MGAM: variants seen among roughly 807,000 people sequenced by gnomAD.
MGAM encodes maltase-glucoamylase.
MGAM carries 253 observed loss-of-function variants against 358.8 expected under a neutral mutation model. The observed-to-expected ratio is 0.71, with a 90% CI of 0.64 to 0.78. The LOEUF (loss-of-function observed/expected upper bound fraction) is 0.78, where lower values mean the gene tolerates loss of function less well. Among genes scored for constraint, MGAM ranks in the 30% least tolerant of loss-of-function variants. The probability of loss-of-function intolerance (pLI) is 0.00; values close to 1 mark genes in which losing one functional copy is unlikely to be tolerated. For synonymous variants in MGAM, 1,105 were observed against 1,227.1 expected (o/e 0.90, Z 2.08); for missense variants, 3,080 against 3,432.6 (o/e 0.90, Z 2.57).
rs1804185388 is a variant in MGAM at position 141,995,919 on chromosome 7, A to G, written c.-14A>G. 6.6e-6 allele frequency: 1 copy of G among 152,186 alleles called. No individual in the cohort carries two copies. The highest frequency in any genetic ancestry group is 1.5e-5 in the Non-Finnish European group (1 of 68,034). The allele number at this position is 152,186 out of a possible 1,614,324, so 9.4% of individuals were successfully genotyped here. On this transcript the variant is annotated 5_prime_UTR_variant, in exon 1 of 71. Coordinates refer to ENST00000475668, the MANE Select transcript of MGAM (RefSeq NM_001365693.1). ...TTCAGACAGAGAGGGAGCGGCTGCA[A>G]GAGGTAATGAGGTATGTTTGTGAAC... is the stretch of plus-strand genomic sequence containing the variant.
At chr7:141,988,872 T>A (rs1803819877) in intron 2 of MGAM, among the ~76,000 whole-genome samples, 1 of 152,234 alleles carries the variant, frequency 6.6e-6, no homozygotes, top group Admixed American at 6.5e-5. Flanking sequence ...CACCTTCCTC[T>A]GAACATTTCT....
At chr7:142,012,889 A>G (rs1283566963) in intron 3 of MGAM, among the ~76,000 whole-genome samples, 1 of 152,140 alleles carries the variant, frequency 6.6e-6, no homozygotes, top group African/African-American at 2.4e-5. Flanking sequence ...TCTCTCCAGC[A>G]GGGTAGCTGA....
chr7:142,104,413 TTTA>T (rs2129068661), intron 70 of MGAM, among the ~76,000 whole-genome samples: 1 of 152,290 alleles, frequency 6.6e-6, no homozygotes, highest in Admixed American at 6.5e-5. Flanking sequence ...GTTTATTGTA[TTTA>T]TTATTATTTA....
chr7:142,046,048 A>ATATAATATGTAATATAATATTATAT (rs1810339873), intron 21 of MGAM, among the ~76,000 whole-genome samples: 3 of 140,408 alleles, frequency 2.1e-5, no homozygotes, highest in African/African-American at 8.0e-5. Context: ...TTATATATAC[A>ATATAATATGTAATATAATATTATAT]TACAATATGT....
chr7:142,067,961 T>A lies in MGAM; in HGVS notation c.5004+536T>A, dbSNP rs10247082. On this transcript the variant is annotated intron_variant, in intron 42 of 70. Transcript: ENST00000475668. ...ATATATATATATATATATATATATA[T>A]ATAAATATATATATATATATATATA... Among the ~76,000 whole-genome samples, 24 of 34,868 alleles carry A rather than the reference T, an allele frequency of 6.9e-4. 1 individual carries two copies. The highest frequency in any genetic ancestry group is 1.6e-3 in the African/African-American group (19 of 11,620). The allele number at this position is 34,868 out of a possible 152,430, so 22.9% of individuals were successfully genotyped here.
At chr7:142,025,191 T>C (rs1191726159) in intron 8 of MGAM, 42 bp downstream of exon 8, 2 of 1,413,042 alleles carry the variant, frequency 1.4e-6, no homozygotes, top group African/African-American at 2.8e-5. Context: ...AAGAGTGATT[T>C]TCAGTCCCTT....
In MGAM at chr7:142,065,585, C is replaced by T. The variant is rs372898391; in HGVS notation, c.4619-3C>T. The T allele has an allele frequency of 3.9e-4, 632 of 1,613,938 alleles. 3 individuals are homozygous for T. The Middle Eastern group carries it at 4.0e-3, about 10-fold the overall frequency. On this transcript the variant is annotated splice_polypyrimidine_tract_variant and splice_region_variant and intron_variant, in intron 38 of 70. Transcript: ENST00000475668. The stretch of plus-strand genomic sequence containing the variant: ...TGTGACACAGCTGTGCTTCTCGTTG[C>T]AGGCATGATGGAGTTCAGCCTCTTT...
rs546545140 is a variant in MGAM, at chr7:142,059,768, G to A, written c.3949-88G>A. 740 of 1,568,304 alleles carry A rather than the reference G, an allele frequency of 4.7e-4. 2 individuals carry two copies. In the Middle Eastern group the frequency reaches 0.017, roughly 37 times the overall value. ...CTCTACTGTGCAGGTAGAAGCCAGC[G>A]AGTTCACCCTTGAGGAGTTCTCCTT... On this transcript the variant is annotated intron_variant, in intron 32 of 70. Transcript: ENST00000475668.
chr7:142,009,634 G>A (rs557471133), intron 3 of MGAM, among the ~76,000 whole-genome samples: 4 of 152,120 alleles, frequency 2.6e-5, no homozygotes, highest in Non-Finnish European at 5.9e-5. Context: ...TATCAAGATT[G>A]AAGTTCAATA....
At chr7:142,044,501 A>C (rs1275446146) in intron 21 of MGAM, among the ~76,000 whole-genome samples, 1 of 108,920 alleles carries the variant, frequency 9.2e-6, no homozygotes, top group Non-Finnish European at 1.9e-5. Flanking sequence ...CACTTACGAT[A>C]TATGATATAT....
intron 21 of MGAM, among the ~76,000 whole-genome samples, chr7:142,045,058 TATATTATATATAC>T (rs1389773790): frequency 0.014 from 1,388 of 96,764 alleles, 218 homozygotes; most frequent in African/African-American, 0.046. Flanking sequence ...ATATAATATG[TATATTATATATAC>T]GTGTAATATA....
chr7:142,040,960 C>G, intron 21 of MGAM, 114 bp downstream of exon 21: 2 of 1,296,374 alleles, frequency 1.5e-6, no homozygotes, highest in Non-Finnish European at 2.1e-6. Context: ...TTGGCCACGA[C>G]TGTTGCAGTT....
At chr7:142,002,417 C>T (rs1041147902) in intron 1 of MGAM, among the ~76,000 whole-genome samples, 17 of 152,098 alleles carry the variant, frequency 1.1e-4, no homozygotes, top group African/African-American at 3.9e-4. Flanking sequence ...GATGATTCAA[C>T]ATGCACAATT....
chr7:142,063,203 TG>T (rs1219230157), intron 35 of MGAM, among the ~76,000 whole-genome samples: 6 of 126,042 alleles, frequency 4.8e-5, no homozygotes, highest in African/African-American at 7.9e-5. Flanking sequence ...TCTCAAAGAA[TG>T]AAAAACAAAA....
intron 10 of MGAM, among the ~76,000 whole-genome samples, chr7:142,028,733 C>T (rs1245760657): frequency 1.3e-5 from 2 of 152,058 alleles, no homozygotes; most frequent in Non-Finnish European, 2.9e-5. Flanking sequence ...AAAGAAAGTG[C>T]TTAATGGAAT....
At chr7:142,021,972 A>G (rs1447518462) in intron 6 of MGAM, among the ~76,000 whole-genome samples, 2 of 152,044 alleles carry the variant, frequency 1.3e-5, no homozygotes, top group Non-Finnish European at 2.9e-5. Context: ...TCTATAATAT[A>G]TAACCAGCTG....
chr7:142,053,070 T>G, intron 26 of MGAM, 86 bp downstream of exon 26: 1 of 1,414,874 alleles, frequency 7.1e-7, no homozygotes, highest in Non-Finnish European at 9.8e-7. Flanking sequence ...AACCCTAAAA[T>G]AAGTTAATCA....
In MGAM at chr7:142,106,524, A is replaced by G. The variant is rs1347568625; in HGVS notation, c.*633A>G. Reference sequence around the variant, plus strand: ...GAAAAAGGAAGAGTCAACTCACTTGAAGAAGAGGGTCTTGAGAAATCCTTA... The same window carrying G: ...GAAAAAGGAAGAGTCAACTCACTTGGAGAAGAGGGTCTTGAGAAATCCTTA... On this transcript the variant is annotated 3_prime_UTR_variant, in exon 71 of 71. Transcript: ENST00000475668. 6.6e-6 allele frequency: 1 copy of G among 152,232 alleles called. No individual in the cohort carries two copies. The highest frequency in any genetic ancestry group is 2.4e-5 in the African/African-American group (1 of 41,468). 9.4% of individuals were successfully genotyped at this position (152,232 alleles called of 1,614,324 possible).
chr7:142,061,077 G>T (rs1812147300), intron 34 of MGAM, among the ~76,000 whole-genome samples: 1 of 152,142 alleles, frequency 6.6e-6, no homozygotes, highest in East Asian at 1.9e-4. Flanking sequence ...GGAGAGTGGA[G>T]AAAGTGAAGG....
Sources: allele counts gnomAD v4.1 joint callset (sites outside exome capture counted in the v4.1 genomes callset), GRCh38; gene constraint gnomAD v4.1.1; transcripts MANE v1.5; gene names NCBI Gene and HGNC (gene_info 2026-07-23, HGNC 2026-07-21).